The following ATP8B4 variants were observed in gnomAD, a reference collection of about 807,000 sequenced individuals.
ATP8B4 encodes the protein probable phospholipid-transporting ATPase IM.
A neutral mutation model predicts 145.6 loss-of-function variants in ATP8B4; 133 were observed. The ratio of observed to expected loss-of-function variants is 0.91; its 90% CI spans 0.79 to 1.05. The LOEUF is 1.05. ATP8B4 is among the 50% of genes least tolerant of loss of function. ATP8B4 has a pLI of 0.00. For synonymous variants in ATP8B4, 507 were observed against 492.9 expected (o/e 1.03, Z -0.38); for missense variants, 1,458 against 1,425.2 (o/e 1.02, Z -0.37).
In ATP8B4 at chr15:49,979,644, G is replaced by T; in HGVS notation, c.1007C>A (p.Thr336Lys). ...CACATATAAGGAAATGGGTACAACTGTATTGAGAATAATAATATATGACCA... is the reference window on the plus strand; with the variant it reads ...CACATATAAGGAAATGGGTACAACTTTATTGAGAATAATAATATATGACCA... The part of the protein sequence containing the change: ...TFWSYIIILN[T>K]VVPISLYVSV... Residue 336 changes from threonine to lysine, a missense_variant, in exon 12 of 28, where the codon ACA (threonine) becomes AAA (lysine). Thr to Lys is a moderately conservative substitution (Grantham distance 78). Coordinates refer to ENST00000284509, the MANE Select transcript of ATP8B4 (RefSeq NM_024837.4). The T allele has an allele frequency of 6.3e-7, 1 of 1,582,094 alleles. No individual in the cohort carries two copies. Among genetic ancestry groups the T allele is most frequent in the Middle Eastern group, 1.7e-4 (1 of 5,920 alleles).
chr15:49,860,290 C>G lies in ATP8B4; in HGVS notation c.3483G>C (p.Lys1161Asn). 1.2e-6 allele frequency: 2 copies of G among 1,614,172 alleles called. No individual in the cohort carries two copies. The highest frequency in any genetic ancestry group is 1.7e-6 in the Non-Finnish European group (2 of 1,180,004). The change falls in exon 28 of 28, where the codon AAG becomes AAC. Residue 1161 changes from lysine to asparagine, a missense_variant. Physicochemically the swap from Lys to Asn is moderately conservative, Grantham distance 94. Coordinates refer to ENST00000284509, the MANE Select transcript of ATP8B4 (RefSeq NM_024837.4). ...TCCAGCTAGTGCTATTATAATGTGT[C>G]TTTTCCAGCCCTGATGTTGGGGGTG... Reference protein sequence around the residue: ...KNPPPTSGLEKTHYNSTSWIE... With the variant: ...KNPPPTSGLENTHYNSTSWIE...
At chr15:49,865,577 C>T (rs933609849) in intron 26 of ATP8B4, among the ~76,000 whole-genome samples, 7 of 152,170 alleles carry the variant, frequency 4.6e-5, no homozygotes, top group Admixed American at 2.6e-4. Flanking sequence ...CTGACACTCC[C>T]TCCAAGGAGA....
At position 50,158,287 on chromosome 15, in the gene ATP8B4, C is replaced by T. The variant is rs567200376; in HGVS notation, c.-43+23974G>A. Reference sequence around the variant, plus strand: ...GAAGTGAGGAGCGCCTCTTCCCGGCCGCCATCCCATCTAGGAAGTGAGGAG... The same window carrying T: ...GAAGTGAGGAGCGCCTCTTCCCGGCTGCCATCCCATCTAGGAAGTGAGGAG... On this transcript the variant is annotated intron_variant, in intron 1 of 3. Coordinates refer to the ATP8B4 transcript ENST00000558829. Among the ~76,000 whole-genome samples, 26 of 150,630 alleles carry T rather than the reference C, an allele frequency of 1.7e-4. No individual in the cohort carries two copies. The East Asian group carries it at 4.5e-3, about 26-fold the overall frequency.
intron 13 of ATP8B4, among the ~76,000 whole-genome samples, chr15:49,965,636 T>C (rs1166347723): frequency 6.6e-6 from 1 of 152,174 alleles, no homozygotes; most frequent in African/African-American, 2.4e-5. Context: ...TATCTGGCCA[T>C]TCAAGGCAGC....
At chr15:50,027,441 G>T (rs2050096771) in intron 6 of ATP8B4, among the ~76,000 whole-genome samples, 1 of 135,442 alleles carries the variant, frequency 7.4e-6, no homozygotes. Flanking sequence ...TACTCTCAAT[G>T]TTCCTATAAA....
intron 1 of ATP8B4, among the ~76,000 whole-genome samples, chr15:50,150,754 A>G (rs565465976): frequency 1.3e-5 from 2 of 152,252 alleles, no homozygotes; most frequent in Non-Finnish European, 2.9e-5. Context: ...CAAATAACAA[A>G]TACAAAGTTT....
At chr15:50,100,429 C>G (rs1181405346) in intron 2 of ATP8B4, among the ~76,000 whole-genome samples, 1 of 152,080 alleles carries the variant, frequency 6.6e-6, no homozygotes, top group African/African-American at 2.4e-5. Flanking sequence ...TCCTTGCTAC[C>G]ATCAACTTAA....
At chr15:50,106,557 T>C (rs898475047) in intron 2 of ATP8B4, among the ~76,000 whole-genome samples, 2 of 152,200 alleles carry the variant, frequency 1.3e-5, no homozygotes, top group Non-Finnish European at 2.9e-5. Context: ...TATTAATACA[T>C]GCAACTGTAT....
At position 50,172,877 on chromosome 15, in the gene ATP8B4, G is replaced by A. The variant is rs565954694; in HGVS notation, c.-43+9384C>T. ...AGGAGCGTCTCTGACCGGCCGCCCC[G>A]TCTGAGAAGTGAGGAGCCCCTCCGT... On this transcript the variant is annotated intron_variant, in intron 1 of 3. Coordinates refer to the ATP8B4 transcript ENST00000558829. 6.2e-3 allele frequency among the ~76,000 whole-genome samples: 922 copies of A among 149,056 alleles called. 11 individuals carry two copies. Among genetic ancestry groups the A allele is most frequent in the African/African-American group, 0.022 (892 of 40,214 alleles).
At chr15:49,958,989 A>T (rs1439093717) in intron 14 of ATP8B4, among the ~76,000 whole-genome samples, 1 of 152,050 alleles carries the variant, frequency 6.6e-6, no homozygotes, top group Non-Finnish European at 1.5e-5. Flanking sequence ...CAAATATAAC[A>T]TTGGTAGCAA....
At chr15:50,087,497 T>C (rs1451912903) in intron 2 of ATP8B4, among the ~76,000 whole-genome samples, 1 of 149,672 alleles carries the variant, frequency 6.7e-6, no homozygotes, top group Non-Finnish European at 1.5e-5. Flanking sequence ...TGACTAGGAG[T>C]TGATGAATAC....
chr15:49,988,484 T>C (rs1411505038), intron 9 of ATP8B4, among the ~76,000 whole-genome samples: 1 of 151,796 alleles, frequency 6.6e-6, no homozygotes. Flanking sequence ...AGGGGAGATA[T>C]GAAAAAGGAA....
chr15:50,142,251 T>C (rs185507282), intron 1 of ATP8B4, among the ~76,000 whole-genome samples: 178 of 152,290 alleles, frequency 1.2e-3, no homozygotes, highest in African/African-American at 4.2e-3. Context: ...AAGCCAACAG[T>C]GATGTTCACT....
rs2039800432 is a variant in ATP8B4 at position 49,916,948 on chromosome 15, C to T, written c.2127G>A (p.Val709=). The change falls in exon 20 of 28, where the codon GTG becomes GTA. Residue 709 remains valine (V), a synonymous_variant. Transcript: ENST00000284509. ...TCAACACCTACCTGAGTTCTTCTCT[C>T]ACTTCCACAGCATTATTCCCTGCTA... The part of the protein sequence containing the change: ...FVIAGNNAVE[V]REELRKAKQN... 1 of 1,613,640 alleles carries T rather than the reference C, an allele frequency of 6.2e-7. No individual in the cohort carries two copies. Among genetic ancestry groups the T allele is most frequent in the African/African-American group, 1.3e-5 (1 of 74,920 alleles).
chr15:49,866,361 G>A lies in ATP8B4; in HGVS notation c.3151C>T (p.Gln1051Ter). ...SNGIFGIFPN[Q>*]FPFVGNARHS... The stretch of plus-strand genomic sequence containing the variant: ...ACTCACTTACCAACAAATGGAAACT[G>A]GTTTGGGAAGATGCCAAAGATGCCA... Residue 1051 changes from glutamine to a stop codon, truncating the protein, a stop_gained, in exon 26 of 28, where the codon CAG becomes TAG. Coordinates refer to ENST00000284509, the MANE Select transcript of ATP8B4 (RefSeq NM_024837.4). LOFTEE classifies it high-confidence loss of function. The A allele has an allele frequency of 6.2e-7, 1 of 1,613,956 alleles. No homozygotes were observed. The highest frequency in any genetic ancestry group is 8.5e-7 in the Non-Finnish European group (1 of 1,179,878).
chr15:50,020,420 C>T (rs1272893033), intron 6 of ATP8B4, among the ~76,000 whole-genome samples: 4 of 151,776 alleles, frequency 2.6e-5, no homozygotes, highest in Non-Finnish European at 5.9e-5. Flanking sequence ...CAGGTGCCCA[C>T]CACCATGCCT....
intron 1 of ATP8B4, among the ~76,000 whole-genome samples, chr15:50,162,652 G>A (rs937730358): frequency 6.6e-6 from 1 of 152,066 alleles, no homozygotes; most frequent in Admixed American, 6.5e-5. Context: ...GACTACAGGC[G>A]CCCGCCACCA....
At chr15:50,160,359 T>C (rs763638432) in intron 1 of ATP8B4, among the ~76,000 whole-genome samples, 8 of 152,004 alleles carry the variant, frequency 5.3e-5, no homozygotes, top group Non-Finnish European at 1.2e-4. Flanking sequence ...CTTTTGTAAT[T>C]TTTTTAATTT....
intron 14 of ATP8B4, among the ~76,000 whole-genome samples, chr15:49,961,667 G>A (rs1470708594): frequency 6.6e-6 from 1 of 152,128 alleles, no homozygotes; most frequent in Non-Finnish European, 1.5e-5. Flanking sequence ...ATATTGTTGA[G>A]AACGCTGAAG....
Sources: allele counts gnomAD v4.1 joint callset (sites outside exome capture counted in the v4.1 genomes callset), GRCh38; gene constraint gnomAD v4.1.1; transcripts MANE v1.5; gene names NCBI Gene and HGNC (gene_info 2026-07-23, HGNC 2026-07-21).